Variants in SAMD5 observed in about 807,000 individuals in gnomAD.
The protein encoded by SAMD5 is sterile alpha motif domain-containing protein 5.
A neutral mutation model predicts 11.3 loss-of-function variants in SAMD5; 13 were observed. The observed-to-expected ratio is 1.15, with a 90% CI of 0.75 to 1.83. The LOEUF (loss-of-function observed/expected upper bound fraction) is 1.83. SAMD5 is among the 40% of genes most tolerant of loss of function. The pLI is 0.00. For synonymous variants in SAMD5, 129 were observed against 111.3 expected, an observed-to-expected ratio of 1.16 and a Z score of -1.00; for missense variants, 255 against 239.1, an observed-to-expected ratio of 1.07 and a Z score of -0.44.
intron 1 of SAMD5, among the ~76,000 whole-genome samples, chr6:147,626,251 A>G (rs1436911591): frequency 2.6e-5 from 4 of 152,082 alleles, no homozygotes; most frequent in South Asian, 2.1e-4. Flanking sequence ...ATGTCTTGCT[A>G]TGTGTGAGAA....
the SAMD5 span, among the ~76,000 whole-genome samples, chr6:147,934,359 A>G: frequency 6.6e-6 from 1 of 152,214 alleles, no homozygotes; most frequent in African/African-American, 2.4e-5. Flanking sequence ...ATTTGACTGT[A>G]TGTTGTCACT....
intron 1 of SAMD5, among the ~76,000 whole-genome samples, chr6:147,721,927 T>G (rs938158271): frequency 1.3e-5 from 2 of 152,214 alleles, no homozygotes; most frequent in Non-Finnish European, 2.9e-5. Flanking sequence ...ATGTTTATGA[T>G]GTTCCAATAC....
the SAMD5 span, among the ~76,000 whole-genome samples, chr6:147,794,691 G>A: frequency 2.0e-5 from 3 of 152,098 alleles, no homozygotes; most frequent in Non-Finnish European, 4.4e-5. Context: ...ATCATATGGG[G>A]TAAGGCATAG....
At chr6:147,836,196 C>T in the SAMD5 span, among the ~76,000 whole-genome samples, 2 of 152,216 alleles carry the variant, frequency 1.3e-5, no homozygotes, top group Non-Finnish European at 2.9e-5. Flanking sequence ...GCCACATAGA[C>T]TCATCAATGA....
chr6:147,797,819 G>A, the SAMD5 span, among the ~76,000 whole-genome samples: 8 of 149,024 alleles, frequency 5.4e-5, no homozygotes, highest in Non-Finnish European at 4.4e-5. Flanking sequence ...GTCGAGGAAT[G>A]TATCCATTTC....
chr6:147,752,817 T>C, the SAMD5 span, among the ~76,000 whole-genome samples: 1 of 152,216 alleles, frequency 6.6e-6, no homozygotes, highest in African/African-American at 2.4e-5. Context: ...AACTAGAGAC[T>C]TCAGCACTCT....
chr6:147,804,496 C>T, the SAMD5 span, among the ~76,000 whole-genome samples: 3 of 152,182 alleles, frequency 2.0e-5, no homozygotes, highest in Non-Finnish European at 4.4e-5. Context: ...CAGCCCTTAA[C>T]GTACAGAGAA....
intron 1 of SAMD5, among the ~76,000 whole-genome samples, chr6:147,630,417 G>A (rs1007613506): frequency 1.3e-5 from 2 of 152,060 alleles, no homozygotes; most frequent in African/African-American, 2.4e-5. Flanking sequence ...TTGTCCAGAC[G>A]GCCTGAAGCA....
At chr6:147,867,235 A>G in the SAMD5 span, among the ~76,000 whole-genome samples, 1 of 150,372 alleles carries the variant, frequency 6.7e-6, no homozygotes, top group Admixed American at 6.6e-5. Context: ...CTTTCTCACA[A>G]TTCTGGGACA....
intron 1 of SAMD5, among the ~76,000 whole-genome samples, chr6:147,665,901 T>C (rs1255880322): frequency 6.6e-6 from 1 of 152,218 alleles, no homozygotes; most frequent in Non-Finnish European, 1.5e-5. Flanking sequence ...AAGTTATTTT[T>C]TTCCCCATTT....
chr6:147,907,523 G>A, the SAMD5 span, among the ~76,000 whole-genome samples: 73 of 152,292 alleles, frequency 4.8e-4, 1 homozygote, highest in East Asian at 9.1e-3. Context: ...CTGTGTTCAC[G>A]TGGGCACTGT....
chr6:147,828,330 A>G, the SAMD5 span, among the ~76,000 whole-genome samples: 1 of 152,238 alleles, frequency 6.6e-6, no homozygotes, highest in Admixed American at 6.5e-5. Flanking sequence ...TGCAAAAAAA[A>G]GGAGTTGTGA....
the SAMD5 span, among the ~76,000 whole-genome samples, chr6:147,765,155 T>A: frequency 0.019 from 2,857 of 152,220 alleles, 82 homozygotes; most frequent in African/African-American, 0.066. Flanking sequence ...TTGTACTGAG[T>A]TTTACAAAAA....
At chr6:147,782,804 G>A in the SAMD5 span, among the ~76,000 whole-genome samples, 1 of 152,116 alleles carries the variant, frequency 6.6e-6, no homozygotes, top group Non-Finnish European at 1.5e-5. Context: ...TCCACAAAAT[G>A]GTCCCTTACT....
chr6:147,736,657 G>A (rs1311107736), intron 1 of SAMD5, among the ~76,000 whole-genome samples: 1 of 152,100 alleles, frequency 6.6e-6, no homozygotes, highest in Non-Finnish European at 1.5e-5. Context: ...GGGCATTGGG[G>A]ATGATAGTTC....
chr6:147,798,040 C>T, the SAMD5 span, among the ~76,000 whole-genome samples: 50 of 150,520 alleles, frequency 3.3e-4, no homozygotes, highest in Non-Finnish European at 2.4e-4. Context: ...ATTAATTTTT[C>T]GAAGGGTTTT....
At chr6:147,792,645 G>A in the SAMD5 span, among the ~76,000 whole-genome samples, 13 of 152,194 alleles carry the variant, frequency 8.5e-5, no homozygotes, top group South Asian at 2.7e-3. Flanking sequence ...AAGGAATCAA[G>A]GATCCCTGAA....
At chr6:147,536,073 T>TC (rs1451456976) in intron 1 of SAMD5, among the ~76,000 whole-genome samples, 1 of 151,730 alleles carries the variant, frequency 6.6e-6, no homozygotes, top group African/African-American at 2.4e-5. Context: ...AAGCTCCACC[T>TC]CCCGGGTTCA....
At position 147,568,223 on chromosome 6, in the gene SAMD5, G is replaced by A; in HGVS notation, c.*3767G>A. 1 of 985,314 alleles carries A rather than the reference G, an allele frequency of 1.0e-6. No individual in the cohort carries two copies. The highest frequency in any genetic ancestry group is 1.2e-6 in the Non-Finnish European group (1 of 829,904). 61.0% of individuals were successfully genotyped at this position (985,314 alleles called of 1,614,324 possible). ...GGTGGATCGGCAAACTCTTTTCTATGAAAAGAAAAACCAGATATACCAGGG... is the reference window on the plus strand; with the variant it reads ...GGTGGATCGGCAAACTCTTTTCTATAAAAAGAAAAACCAGATATACCAGGG... On this transcript the variant is annotated 3_prime_UTR_variant, in exon 2 of 2. Coordinates refer to ENST00000367474, the MANE Select transcript of SAMD5 (RefSeq NM_001030060.3).
Sources: gnomAD v4.1 joint callset for allele counts (sites outside exome capture counted in the v4.1 genomes callset) on GRCh38, gnomAD v4.1.1 for gene constraint, MANE v1.5 for transcripts, NCBI Gene and HGNC (gene_info 2026-07-23, HGNC 2026-07-21) for gene names.